The following MECOM variants were observed in gnomAD, a reference collection of about 807,000 sequenced individuals.
The protein encoded by MECOM is MDS1 and EVI1 complex locus.
In MECOM, 13 loss-of-function variants were observed where a neutral mutation model predicts 116.3. The observed-to-expected ratio is 0.11, with a 90% CI of 0.07 to 0.18. The LOEUF is 0.18. MECOM is among the 10% of genes least tolerant of loss of function. The pLI is 1.00. For missense variants in MECOM, 1,299 were observed against 1,509.0 expected (o/e 0.86, Z 2.31); for synonymous variants, 528 against 535.2 (o/e 0.99, Z 0.19).
chr3:169,515,613 A>G (rs7624529), intron 1 of MECOM, among the ~76,000 whole-genome samples: 1 of 151,926 alleles, frequency 6.6e-6, no homozygotes. Flanking sequence ...AGGCATCATC[A>G]TCTGCATTCA....
intron 1 of MECOM, among the ~76,000 whole-genome samples, chr3:169,556,764 G>T (rs531639033): frequency 6.6e-6 from 1 of 152,252 alleles, no homozygotes; most frequent in South Asian, 2.1e-4. Flanking sequence ...GGAACTGAGG[G>T]CTTCTGTGAA....
intron 2 of MECOM, chr3:169,149,354 C>A: frequency 5.7e-6 from 1 of 174,736 alleles, no homozygotes; most frequent in Non-Finnish European, 1.2e-5. Flanking sequence ...CGTCTGGAAT[C>A]ATTGGCAGGT....
intron 12 of MECOM, among the ~76,000 whole-genome samples, chr3:169,099,794 T>C (rs2148935393): frequency 6.6e-6 from 1 of 152,248 alleles, no homozygotes; most frequent in East Asian, 1.9e-4. Flanking sequence ...TAACTAATAC[T>C]GTGTGCAAGG....
At chr3:169,354,514 T>C (rs1416706824) in intron 2 of MECOM, among the ~76,000 whole-genome samples, 1 of 151,966 alleles carries the variant, frequency 6.6e-6, no homozygotes, top group Non-Finnish European at 1.5e-5. Context: ...GCAGTTTCTA[T>C]TTCTCTTTTT....
chr3:169,550,091 TGAG>T lies in MECOM; in HGVS notation c.37+113242_37+113244del, dbSNP rs139043176. Among the ~76,000 whole-genome samples, 1,039 of 152,104 alleles carry T rather than the reference TGAG, an allele frequency of 6.8e-3. 7 individuals carry two copies. Among genetic ancestry groups the T allele is most frequent in the African/African-American group, 0.024 (1,004 of 41,480 alleles). On this transcript the variant is annotated intron_variant, in intron 1 of 16. Coordinates refer to ENST00000651503, the MANE Select transcript of MECOM (RefSeq NM_004991.4). ...ATGATGAGGAAGGGGATTTGAAGGA[TGAG>T]GAGGGAAGGAATTAGGGTAAAGGAA...
intron 1 of MECOM, among the ~76,000 whole-genome samples, chr3:169,634,510 TTGGTAAGGG>T (rs1186370678): frequency 6.6e-6 from 1 of 152,132 alleles, no homozygotes; most frequent in Non-Finnish European, 1.5e-5. Flanking sequence ...CCAAGGCTTG[TTGGTAAGGG>T]TGAAGAGGGG....
intron 10 of MECOM, among the ~76,000 whole-genome samples, chr3:169,107,113 A>C: frequency 6.6e-6 from 1 of 152,196 alleles, no homozygotes; most frequent in East Asian, 1.9e-4. Context: ...GTGACTTTAA[A>C]AGGACAGCTA....
chr3:169,102,333 G>A (rs966321823), intron 10 of MECOM, 107 bp from the exon 11 acceptor site: 21 of 1,011,224 alleles, frequency 2.1e-5, no homozygotes, highest in Admixed American at 2.7e-5. Flanking sequence ...AATCTGCGAC[G>A]GGTTGTAGAA....
intron 3 of MECOM, among the ~76,000 whole-genome samples, chr3:169,141,652 A>G (rs533569573): frequency 6.6e-6 from 1 of 152,168 alleles, no homozygotes; most frequent in South Asian, 2.1e-4. Flanking sequence ...GAATATGCTT[A>G]TAATATATGC....
intron 1 of MECOM, among the ~76,000 whole-genome samples, chr3:169,404,589 GC>G (rs1242462886): frequency 1.3e-5 from 2 of 152,306 alleles, no homozygotes; most frequent in African/African-American, 4.8e-5. Context: ...GGAGGGGGAA[GC>G]CCCCCAAGCT....
intron 1 of MECOM, among the ~76,000 whole-genome samples, chr3:169,440,977 C>T (rs16853743): frequency 0.11 from 16,544 of 152,194 alleles, 1,216 homozygotes; most frequent in East Asian, 0.23. Context: ...ATCTGCAGAG[C>T]TGACAATACC....
intron 2 of MECOM, among the ~76,000 whole-genome samples, chr3:169,195,575 T>C (rs937508785): frequency 1.4e-4 from 21 of 152,084 alleles, no homozygotes; most frequent in Admixed American, 1.3e-3. Flanking sequence ...CAGGCCTGTG[T>C]CACTTTATAA....
At chr3:169,510,365 C>T (rs543264203) in intron 1 of MECOM, among the ~76,000 whole-genome samples, 1 of 152,304 alleles carries the variant, frequency 6.6e-6, no homozygotes, top group African/African-American at 2.4e-5. Context: ...GCTTTTTTCT[C>T]ATACTTGTTC....
chr3:169,626,526 T>A (rs1366510830), intron 1 of MECOM, among the ~76,000 whole-genome samples: 1 of 152,308 alleles, frequency 6.6e-6, no homozygotes, highest in African/African-American at 2.4e-5. Flanking sequence ...TCGACTGATC[T>A]CATTAGAACA....
At chr3:169,126,408 A>T (rs1305720347) in intron 5 of MECOM, among the ~76,000 whole-genome samples, 1 of 152,088 alleles carries the variant, frequency 6.6e-6, no homozygotes, top group Non-Finnish European at 1.5e-5. Context: ...TTACAGTTTA[A>T]ATATTTTTTC....
At chr3:169,432,855 G>T (rs1201440973) in intron 1 of MECOM, among the ~76,000 whole-genome samples, 1 of 152,206 alleles carries the variant, frequency 6.6e-6, no homozygotes, top group East Asian at 1.9e-4. Context: ...TCTGTGCCAA[G>T]ATTCTGCTCC....
chr3:169,386,592 T>C (rs986431308), intron 1 of MECOM, among the ~76,000 whole-genome samples: 1 of 152,236 alleles, frequency 6.6e-6, no homozygotes, highest in Non-Finnish European at 1.5e-5. Flanking sequence ...ATTTAATTGC[T>C]TTATAATATT....
chr3:169,420,151 A>C (rs1320030075), intron 1 of MECOM, among the ~76,000 whole-genome samples: 1 of 152,176 alleles, frequency 6.6e-6, no homozygotes, highest in Non-Finnish European at 1.5e-5. Flanking sequence ...ATGCTTTTAC[A>C]CTGTTGGTGG....
In MECOM at chr3:169,621,492, C is replaced by T. The variant is rs376245391; in HGVS notation, c.37+41844G>A. ...AACAAGCTGGCCGGGCACGGTGGCT[C>T]ACACCTGTAATCCCAACACTTTGGG... On this transcript the variant is annotated intron_variant, in intron 1 of 16. Coordinates refer to ENST00000651503, the MANE Select transcript of MECOM (RefSeq NM_004991.4). 3.3e-5 allele frequency among the ~76,000 whole-genome samples: 5 copies of T among 152,186 alleles called. No individual in the cohort carries two copies. In the East Asian group the frequency reaches 9.6e-4, roughly 29 times the overall value.
Sources: allele counts gnomAD v4.1 joint callset (sites outside exome capture counted in the v4.1 genomes callset), GRCh38; gene constraint gnomAD v4.1.1; transcripts MANE v1.5; gene names NCBI Gene and HGNC (gene_info 2026-07-23, HGNC 2026-07-21).